The following PRPF8 variants were observed in gnomAD, a reference collection of about 807,000 sequenced individuals.
PRPF8 encodes the protein pre-mRNA-processing-splicing factor 8.
In PRPF8, 64 loss-of-function variants were observed where a neutral mutation model predicts 285.9. The observed-to-expected ratio is 0.22, with a 90% CI of 0.18 to 0.28. PRPF8 has a LOEUF of 0.28. Among genes scored for constraint, PRPF8 ranks in the 10% least tolerant of loss-of-function variants. The pLI is 1.00. For missense variants in PRPF8, 1,426 were observed against 3,026.7 expected (o/e 0.47, Z 12.41); for synonymous variants, 1,325 against 1,118.2 (o/e 1.18, Z -3.69).
Position 1,684,590 on chromosome 17 carries a change from G to A in PRPF8, c.-11-8C>T. 6.2e-7 allele frequency: 1 copy of A among 1,611,672 alleles called. No individual in the cohort carries two copies. The highest frequency in any genetic ancestry group is 8.5e-7 in the Non-Finnish European group (1 of 1,179,398). ...CGGCCATATCCGGAGAATCTGGGGAGCGGCGGGATAGAAAAATTCACTAAC... is the reference window on the plus strand; with the variant it reads ...CGGCCATATCCGGAGAATCTGGGGAACGGCGGGATAGAAAAATTCACTAAC... On this transcript the variant is annotated splice_polypyrimidine_tract_variant and splice_region_variant and intron_variant, in intron 1 of 42. Transcript: ENST00000304992.
intron 24 of PRPF8, among the ~76,000 whole-genome samples, chr17:1,667,035 T>G (rs186483254): frequency 6.6e-6 from 1 of 152,142 alleles, no homozygotes; most frequent in Non-Finnish European, 1.5e-5. Flanking sequence ...TAGCCGGGCA[T>G]GGTGGCAGGC....
At chr17:1,669,236 A>G (rs1383169154) in intron 24 of PRPF8, among the ~76,000 whole-genome samples, 2 of 152,130 alleles carry the variant, frequency 1.3e-5, no homozygotes, top group Admixed American at 6.5e-5. Context: ...CCTCCCGAGT[A>G]GCTGAGATTA....
At chr17:1,663,700 G>A (rs1421733937) in intron 24 of PRPF8, among the ~76,000 whole-genome samples, 2 of 93,400 alleles carry the variant, frequency 2.1e-5, no homozygotes, top group African/African-American at 4.4e-5. Flanking sequence ...CCAAGGAAGA[G>A]ACTCCATCTC....
rs1911697801 is a variant in PRPF8 at position 1,661,996 on chromosome 17, A to G, written c.3932T>C (p.Phe1311Ser). ...IGLNSKMPSR[F>S]PPVVFYTPKE... ...AGGGGTGTAGAACACAACCGGGGGG[A>G]ACCGACTTGGCATCTTGGAGTTGAG... Residue 1311 changes from phenylalanine to serine, a missense_variant, in exon 25 of 43, where the codon TTC becomes TCC. Transcript: ENST00000304992. This position sits in a 1 kb window ranked among gnomAD's most constrained non-coding sequence, Gnocchi z 7.3. 1 of 1,613,712 alleles carries G rather than the reference A, an allele frequency of 6.2e-7. No homozygotes were observed. The highest frequency in any genetic ancestry group is 1.7e-5 in the Admixed American group (1 of 59,918).
chr17:1,683,882 A>C (rs1205849635), intron 2 of PRPF8, among the ~76,000 whole-genome samples, 181 bp from the exon 3 acceptor site: 1 of 145,230 alleles, frequency 6.9e-6, no homozygotes, highest in Admixed American at 6.9e-5. Flanking sequence ...ATTGATCACT[A>C]TCTGACTTTT....
chr17:1,662,830 C>CAAAAAAAAAAA (rs541846587), intron 24 of PRPF8, among the ~76,000 whole-genome samples: 1 of 81,132 alleles, frequency 1.2e-5, no homozygotes. Flanking sequence ...GACTGTGTCT[C>CAAAAAAAAAAA]AAAAAAAAAA....
At chr17:1,672,438 C>A (rs1052803397) in intron 24 of PRPF8, among the ~76,000 whole-genome samples, 1 of 152,108 alleles carries the variant, frequency 6.6e-6, no homozygotes. Flanking sequence ...GGCCACCAGG[C>A]CCGGTTAATT....
intron 24 of PRPF8, among the ~76,000 whole-genome samples, chr17:1,667,030 G>A (rs143990669): frequency 0.015 from 2,288 of 152,082 alleles, 68 homozygotes; most frequent in African/African-American, 0.052. Context: ...AAAATTAGCC[G>A]GGCATGGTGG....
chr17:1,680,600 A>G, intron 8 of PRPF8, 126 bp downstream of exon 8: 1 of 854,196 alleles, frequency 1.2e-6, no homozygotes, highest in Non-Finnish European at 2.0e-6. Context: ...ATTCGCTTAT[A>G]GCTCAAGGGG....
chr17:1,653,284 G>A lies in PRPF8; in HGVS notation c.6369+258C>T, dbSNP rs1188695538. On this transcript the variant is annotated intron_variant, in intron 39 of 42. Transcript: ENST00000304992. This position sits in a 1 kb window ranked among gnomAD's most constrained non-coding sequence, Gnocchi z 4.9. ...ATGAGCCAGCACGCACACCTGGTCA[G>A]GAATTTGTTTCTGACCATATCTGTT... is the stretch of plus-strand genomic sequence containing the variant. 5.0e-6 allele frequency: 3 copies of A among 597,538 alleles called. No homozygotes were observed. The East Asian group carries it at 8.6e-5, about 17-fold the overall frequency. The allele number at this position is 597,538 out of a possible 1,614,324, so 37.0% of individuals were successfully genotyped here. A position where few individuals can be genotyped will look rare whatever the true frequency, so the allele number is the denominator to read the frequency against.
Position 1,666,587 on chromosome 17 carries a change from A to G in PRPF8, c.3775-4434T>C, listed in dbSNP as rs543881943. On this transcript the variant is annotated intron_variant, in intron 24 of 42. Coordinates refer to ENST00000304992, the MANE Select transcript of PRPF8 (RefSeq NM_006445.4). ...CAATGCAACAAAAAAGAGAAAAACG[A>G]TAAAAATTAATGAAACCAAAGCTGT... Among the ~76,000 whole-genome samples, 5 of 152,246 alleles carry G rather than the reference A, an allele frequency of 3.3e-5. No individual in the cohort carries two copies. In the East Asian group the frequency reaches 5.8e-4, roughly 18 times the overall value.
intron 24 of PRPF8, among the ~76,000 whole-genome samples, chr17:1,672,406 A>C (rs942789454): frequency 2.6e-5 from 4 of 152,116 alleles, no homozygotes; most frequent in Non-Finnish European, 5.9e-5. Flanking sequence ...GAGCCTCCCA[A>C]GTAGCTGCGA....
At chr17:1,670,193 G>T (rs937134886) in intron 24 of PRPF8, among the ~76,000 whole-genome samples, 28 of 152,162 alleles carry the variant, frequency 1.8e-4, no homozygotes, top group Admixed American at 6.5e-5. Context: ...AAGAAATAAG[G>T]TATAAATAAA....
Position 1,675,937 on chromosome 17 carries a change from G to C in PRPF8, c.2670C>G (p.Ala890=). 6.2e-7 allele frequency: 1 copy of C among 1,614,158 alleles called. No individual in the cohort carries two copies. Among genetic ancestry groups the C allele is most frequent in the South Asian group, 1.1e-5 (1 of 91,076 alleles). The part of the protein sequence containing the change: ...RIKRHLLTQR[A]FKEVGIEFMD... ...GGGAGGCCTCACTCACCTCTTTGAA[G>C]GCTCTCTGTGTGAGGAGGTGACGCT... The change falls in exon 18 of 43, where the codon GCC becomes GCG. Residue 890 remains alanine, a synonymous_variant. Transcript: ENST00000304992. The surrounding 1 kb of genome is among the most constrained non-coding windows in gnomAD (Gnocchi z 6.0).
chr17:1,672,919 G>A (rs1912404844), intron 24 of PRPF8, 162 bp downstream of exon 24: 3 of 717,610 alleles, frequency 4.2e-6, no homozygotes, highest in Admixed American at 2.1e-5. Context: ...TAACGATGAA[G>A]TGACCTGACA....
chr17:1,655,218 A>AC (rs1567676349), intron 37 of PRPF8, 132 bp downstream of exon 37: 1 of 1,014,600 alleles, frequency 9.9e-7, no homozygotes, highest in Non-Finnish European at 1.5e-6. Context: ...TTGGCCTCCC[A>AC]AAGTGCTGGG....
At position 1,658,790 on chromosome 17, in the gene PRPF8, GT is replaced by G. The variant is rs1195805162; in HGVS notation, c.5139-28del. ...TGTGAGGATAAAAGGGTCAAGAAAAGTTAAGACGAGAATGACAGCCCCAGAA... is the reference window on the plus strand; with the variant it reads ...TGTGAGGATAAAAGGGTCAAGAAAAGTAAGACGAGAATGACAGCCCCAGAA... On this transcript the variant is annotated intron_variant, in intron 32 of 42. Coordinates refer to ENST00000304992, the MANE Select transcript of PRPF8 (RefSeq NM_006445.4). The surrounding 1 kb of genome is among the most constrained non-coding windows in gnomAD (Gnocchi z 4.1). 6.2e-7 allele frequency: 1 copy of G among 1,600,018 alleles called. No homozygotes were observed. The highest frequency in any genetic ancestry group is 8.6e-7 in the Non-Finnish European group (1 of 1,167,278).
At position 1,682,053 on chromosome 17, in the gene PRPF8, A is replaced by G. The variant is rs1912960410; in HGVS notation, c.435-15T>C. 2.5e-6 allele frequency: 4 copies of G among 1,613,628 alleles called. No homozygotes were observed. The highest frequency in any genetic ancestry group is 1.3e-5 in the African/African-American group (1 of 74,910). On this transcript the variant is annotated splice_polypyrimidine_tract_variant and intron_variant, in intron 4 of 42. Coordinates refer to ENST00000304992, the MANE Select transcript of PRPF8 (RefSeq NM_006445.4). ...TCCACATTGACCTGGAAGGCAAGAC[A>G]TCACACAACCATTTCTACCCACTGC...
chr17:1,651,040 G>C lies in PRPF8; in HGVS notation c.6853+68C>G. Reference sequence around the variant, plus strand: ...CACCTCCAAGCCAGCCAGGCCCCAAGTGCAAAGGGCGATGGCCTCACCTTA... The same window carrying C: ...CACCTCCAAGCCAGCCAGGCCCCAACTGCAAAGGGCGATGGCCTCACCTTA... On this transcript the variant is annotated intron_variant, in intron 42 of 42. Coordinates refer to ENST00000304992, the MANE Select transcript of PRPF8 (RefSeq NM_006445.4). This position sits in a 1 kb window ranked among gnomAD's most constrained non-coding sequence, Gnocchi z 5.1. 6.2e-7 allele frequency: 1 copy of C among 1,613,856 alleles called. No individual in the cohort carries two copies. The highest frequency in any genetic ancestry group is 8.5e-7 in the Non-Finnish European group (1 of 1,179,724).
Sources: allele counts gnomAD v4.1 joint callset (sites outside exome capture counted in the v4.1 genomes callset), GRCh38; gene constraint gnomAD v4.1.1; non-coding constraint Gnocchi (gnomAD v3.1); transcripts MANE v1.5; gene names NCBI Gene and HGNC (gene_info 2026-07-23, HGNC 2026-07-21).